Variants in SHC4 observed in about 807,000 individuals in gnomAD.
SHC4 encodes SHC-transforming protein 4.
A neutral mutation model predicts 69.4 loss-of-function variants in SHC4; 41 were observed. That is an observed-to-expected ratio of 0.59 (90% CI 0.46 to 0.77). SHC4 has a LOEUF of 0.77. Ranked by LOEUF, SHC4 falls within the 30% of genes least tolerant of loss-of-function variation. The pLI, the probability that SHC4 is intolerant of heterozygous loss-of-function variation, is 0.00. For synonymous variants in SHC4, 318 were observed against 299.3 expected (o/e 1.06, Z -0.64); for missense variants, 777 against 783.8 (o/e 0.99, Z 0.10).
chr15:48,828,093 A>ATG lies in SHC4; in HGVS notation c.1738-1969_1738-1968dup, dbSNP rs35818835. 3.9e-3 allele frequency among the ~76,000 whole-genome samples: 573 copies of ATG among 148,726 alleles called. 4 individuals are homozygous for ATG. The highest frequency in any genetic ancestry group is 0.013 in the African/African-American group (504 of 40,108). On this transcript the variant is annotated intron_variant, in intron 11 of 11. Transcript: ENST00000332408. ...CATGAGATCTGTTACATATGTATGT[A>ATG]TGTGTGTGTGTGTGTGTGTGTGTAT... is the stretch of plus-strand genomic sequence containing the variant.
chr15:48,850,071 C>T (rs1188591259), intron 9 of SHC4, among the ~76,000 whole-genome samples: 5 of 152,042 alleles, frequency 3.3e-5, no homozygotes, highest in Admixed American at 2.0e-4. Context: ...GGCATGGTGG[C>T]GGGTGCCTGT....
At chr15:48,857,598 C>A in intron 7 of SHC4, 94 bp downstream of exon 7, 1 of 1,148,318 alleles carries the variant, frequency 8.7e-7, no homozygotes, top group South Asian at 3.0e-5. Context: ...TAAAATGCCA[C>A]ATTAATGTTA....
Position 48,962,971 on chromosome 15 carries a change from A to G in SHC4, c.45T>C (p.Tyr15=). Residue 15 remains tyrosine, a synonymous_variant, in exon 1 of 12, where the codon TAT becomes TAC. Transcript: ENST00000332408. ...TCCCGGGGTGCCCGAAGAGTCCTAC[A>G]TACAGCACGAGTCCTGCCAGGCTGT... ...GQDSLAGLVL[Y]VGLFGHPGML... is the part of the protein sequence containing the mutation. The G allele has an allele frequency of 1.2e-6, 2 of 1,612,788 alleles. No homozygotes were observed. The highest frequency in any genetic ancestry group is 1.7e-4 in the Middle Eastern group (1 of 6,058).
In SHC4 at chr15:48,888,882, CAAAAAA is replaced by C. The variant is rs36036782; in HGVS notation, c.720+1860_720+1865del. 1.0e-4 allele frequency among the ~76,000 whole-genome samples: 9 copies of C among 89,118 alleles called. No homozygotes were observed. The East Asian group carries it at 1.1e-3, about 11-fold the overall frequency. The allele number at this position is 89,118 out of a possible 152,430, so 58.5% of individuals were successfully genotyped here. On this transcript the variant is annotated intron_variant, in intron 3 of 11. Transcript: ENST00000332408. Reference sequence around the variant, plus strand: ...AGCCTGGGTGACAGAGTGAAACTGTCAAAAAAAAAAAAAAAAAAAAAGTTAAGATGG... The same window carrying C: ...AGCCTGGGTGACAGAGTGAAACTGTCAAAAAAAAAAAAAAAGTTAAGATGG...
chr15:48,849,662 C>A (rs1185219196), intron 9 of SHC4, among the ~76,000 whole-genome samples: 1 of 152,120 alleles, frequency 6.6e-6, no homozygotes, highest in Non-Finnish European at 1.5e-5. Flanking sequence ...GGTTGCAATA[C>A]CACAAGGCAT....
At position 48,957,597 on chromosome 15, in the gene SHC4, T is replaced by C. The variant is rs868338279; in HGVS notation, c.585+4834A>G. The stretch of plus-strand genomic sequence containing the variant: ...AAAATCTTTCAACACAAATTTCTAT[T>C]TGCACACAAAGCTGATGAGCTTGAT... On this transcript the variant is annotated intron_variant, in intron 1 of 11. Transcript: ENST00000332408. Among the ~76,000 whole-genome samples, 4 of 152,356 alleles carry C rather than the reference T, an allele frequency of 2.6e-5. No individual in the cohort carries two copies. In the Middle Eastern group the frequency reaches 0.01, roughly 389 times the overall value.
intron 2 of SHC4, among the ~76,000 whole-genome samples, chr15:48,921,973 C>A (rs1900761270): frequency 6.6e-6 from 1 of 152,144 alleles, no homozygotes; most frequent in South Asian, 2.1e-4. Context: ...AATAGACACC[C>A]TCTCTAGGTA....
chr15:48,899,391 G>A (rs1341880260), intron 2 of SHC4, among the ~76,000 whole-genome samples: 7 of 152,046 alleles, frequency 4.6e-5, no homozygotes, highest in South Asian at 2.1e-4. Flanking sequence ...TGCTTGAACC[G>A]GGAGGTGGAG....
At chr15:48,952,326 G>C (rs1442420267) in intron 1 of SHC4, among the ~76,000 whole-genome samples, 1 of 152,182 alleles carries the variant, frequency 6.6e-6, no homozygotes, top group African/African-American at 2.4e-5. Context: ...ACTAGAGGAA[G>C]TTTTCAACCC....
chr15:48,934,962 G>T (rs1439017906), intron 1 of SHC4, among the ~76,000 whole-genome samples: 1 of 152,076 alleles, frequency 6.6e-6, no homozygotes, highest in Non-Finnish European at 1.5e-5. Flanking sequence ...ACAGGTACAA[G>T]GTTTCTTTGG....
chr15:48,824,934 T>G lies in SHC4; in HGVS notation c.*1037A>C, dbSNP rs1490981062. Reference sequence around the variant, plus strand: ...CAAGTGCTTCATTCAATATGTTTTTTTTTCCTTCTGCATTTTGTCTGATCA... The same window carrying G: ...CAAGTGCTTCATTCAATATGTTTTTGTTTCCTTCTGCATTTTGTCTGATCA... On this transcript the variant is annotated 3_prime_UTR_variant, in exon 12 of 12. Coordinates refer to ENST00000332408, the MANE Select transcript of SHC4 (RefSeq NM_203349.4). The G allele has an allele frequency of 3.9e-5, 6 of 152,048 alleles. No homozygotes were observed. The highest frequency in any genetic ancestry group is 8.8e-5 in the Non-Finnish European group (6 of 67,850). The allele number at this position is 152,048 out of a possible 1,614,324, so 9.4% of individuals were successfully genotyped here.
At chr15:48,949,465 G>T (rs1901331445) in intron 1 of SHC4, among the ~76,000 whole-genome samples, 1 of 150,226 alleles carries the variant, frequency 6.7e-6, no homozygotes, top group Admixed American at 6.6e-5. Flanking sequence ...TTACATCATT[G>T]CCTGTATCAA....
At chr15:48,861,456 C>A (rs759058174) in intron 6 of SHC4, among the ~76,000 whole-genome samples, 9 of 152,144 alleles carry the variant, frequency 5.9e-5, no homozygotes, top group Non-Finnish European at 1.3e-4. Context: ...TGGAAATGGT[C>A]TTTTTTAGGT....
Position 48,941,731 on chromosome 15 carries a change from GA to G in SHC4, c.586-16783del, listed in dbSNP as rs201841713. Among the ~76,000 whole-genome samples the G allele has an allele frequency of 5.4e-3, 821 of 152,250 alleles. 5 individuals carry two copies. The highest frequency in any genetic ancestry group is 0.019 in the African/African-American group (787 of 41,554). On this transcript the variant is annotated intron_variant, in intron 1 of 11. Coordinates refer to ENST00000332408, the MANE Select transcript of SHC4 (RefSeq NM_203349.4). ...TACAGTTGCCCTTTTCACATGTCTG[GA>G]TACCTTTCTGGGAATCTTCTTTTGG...
intron 9 of SHC4, among the ~76,000 whole-genome samples, chr15:48,850,140 T>C (rs1019389138): frequency 1.7e-4 from 26 of 152,246 alleles, no homozygotes; most frequent in African/African-American, 5.5e-4. Context: ...AAGGCTGAGG[T>C]TGCAGTGAGC....
chr15:48,827,468 C>T (rs1361106938), intron 11 of SHC4, among the ~76,000 whole-genome samples: 1 of 152,266 alleles, frequency 6.6e-6, no homozygotes, highest in South Asian at 2.1e-4. Context: ...CCATCTCATT[C>T]CCATCCCACA....
intron 11 of SHC4, among the ~76,000 whole-genome samples, chr15:48,831,143 C>G (rs1257087222): frequency 6.6e-6 from 1 of 151,646 alleles, no homozygotes; most frequent in East Asian, 1.9e-4. Context: ...GCTCTATAAC[C>G]TATATTTTAA....
intron 8 of SHC4, 69 bp from the exon 9 acceptor site, chr15:48,851,317 T>G: frequency 6.8e-7 from 1 of 1,462,938 alleles, no homozygotes; most frequent in African/African-American, 1.4e-5. Flanking sequence ...AAGAAAAAAT[T>G]TATAATAATC....
intron 1 of SHC4, among the ~76,000 whole-genome samples, chr15:48,930,712 C>G (rs758375810): frequency 6.6e-5 from 10 of 152,154 alleles, no homozygotes; most frequent in Non-Finnish European, 8.8e-5. Flanking sequence ...TAAGGAGGGT[C>G]TGACCTTCAT....
Sources: allele counts gnomAD v4.1 joint callset (sites outside exome capture counted in the v4.1 genomes callset), GRCh38; gene constraint gnomAD v4.1.1; transcripts MANE v1.5; gene names NCBI Gene and HGNC (gene_info 2026-07-23, HGNC 2026-07-21).